Variants in SPICE1 observed in about 807,000 individuals in gnomAD.
SPICE1 encodes the protein spindle and centriole associated protein 1, also known as spindle and centriole-associated protein 1.
SPICE1 carries 75 observed loss-of-function variants against 102.7 expected under a neutral mutation model. That is an observed-to-expected ratio of 0.73 (90% CI 0.61 to 0.88). SPICE1 has a LOEUF of 0.88. Among genes scored for constraint, SPICE1 ranks in the 40% least tolerant of loss-of-function variants. The pLI, the probability that SPICE1 is intolerant of heterozygous loss-of-function variation, is 0.00. For missense variants in SPICE1, 979 were observed against 1,020.1 expected (o/e 0.96, Z 0.55); for synonymous variants, 308 against 350.3 (o/e 0.88, Z 1.35).
intron 7 of SPICE1, among the ~76,000 whole-genome samples, chr3:113,482,447 C>T (rs144491986): frequency 0.011 from 1,670 of 152,122 alleles, 26 homozygotes; most frequent in African/African-American, 0.027. Context: ...CTTTTGTTGC[C>T]GTTGCTTTTG....
chr3:113,477,875 A>G (rs931484484), intron 7 of SPICE1, among the ~76,000 whole-genome samples: 3 of 151,942 alleles, frequency 2.0e-5, no homozygotes, highest in Admixed American at 6.6e-5. Flanking sequence ...AGCATGGCAC[A>G]TGTATACATA....
chr3:113,475,168 A>G, intron 7 of SPICE1, among the ~76,000 whole-genome samples: 1 of 152,246 alleles, frequency 6.6e-6, no homozygotes, highest in East Asian at 1.9e-4. Flanking sequence ...CTACGCAAAT[A>G]AACTAGAAAA....
At chr3:113,459,566 A>G in intron 12 of SPICE1, 1 of 985,412 alleles carries the variant, frequency 1.0e-6, no homozygotes, top group Non-Finnish European at 1.2e-6. Context: ...GTAAAACACT[A>G]ACATATTCCT....
intron 7 of SPICE1, among the ~76,000 whole-genome samples, chr3:113,477,096 C>A (rs1196010162): frequency 9.9e-5 from 15 of 151,816 alleles, no homozygotes; most frequent in Non-Finnish European, 1.6e-4. Flanking sequence ...AAGAAAAAAA[C>A]AAACAACCCC....
chr3:113,450,403 C>T lies in SPICE1; in HGVS notation c.2256G>A (p.Gln752=). 6.2e-7 allele frequency: 1 copy of T among 1,614,102 alleles called. No individual in the cohort carries two copies. The change falls in exon 15 of 18, where the codon CAG becomes CAA. Residue 752 remains glutamine, a synonymous_variant. Transcript: ENST00000295872. ...RGKLLQLIEQ[Q]KLVGLNLSPP... ...GAGAAAGATTCAAACCAACAAGTTTCTGCTGCTCTATCAACTGCAGTAGTT... is the reference window on the plus strand; with the variant it reads ...GAGAAAGATTCAAACCAACAAGTTTTTGCTGCTCTATCAACTGCAGTAGTT...
At chr3:113,509,212 T>G (rs537488974) in intron 1 of SPICE1, among the ~76,000 whole-genome samples, 1 of 150,982 alleles carries the variant, frequency 6.6e-6, no homozygotes, top group African/African-American at 2.5e-5. Flanking sequence ...AACTGTATAC[T>G]TTAAAGGGTG....
chr3:113,495,013 A>C (rs1936852534), intron 4 of SPICE1, among the ~76,000 whole-genome samples: 1 of 152,256 alleles, frequency 6.6e-6, no homozygotes, highest in Admixed American at 6.5e-5. Context: ...ATAAGATATG[A>C]GTTTTAGCAT....
At chr3:113,489,099 A>C in intron 6 of SPICE1, 36 bp from the exon 7 acceptor site, 1 of 1,299,438 alleles carries the variant, frequency 7.7e-7, no homozygotes, top group Non-Finnish European at 1.1e-6. Context: ...GCACAAGTTG[A>C]TTATATATAT....
chr3:113,469,837 C>T lies in SPICE1; in HGVS notation c.612-599G>A, dbSNP rs2107465694. Reference sequence around the variant, plus strand: ...TATGGCTCCATCCTCCTCTCTCTTTCTCTAGAGTAAAGTAATTAAGCATAT... The same window carrying T: ...TATGGCTCCATCCTCCTCTCTCTTTTTCTAGAGTAAAGTAATTAAGCATAT... On this transcript the variant is annotated intron_variant, in intron 7 of 17. Transcript: ENST00000295872. 2.6e-5 allele frequency among the ~76,000 whole-genome samples: 4 copies of T among 152,238 alleles called. No homozygotes were observed. In the South Asian group the frequency reaches 8.3e-4, roughly 32 times the overall value.
At chr3:113,449,521 T>A (rs1437709570) in intron 15 of SPICE1, 2 of 151,906 alleles carry the variant, frequency 1.3e-5, no homozygotes, top group African/African-American at 4.8e-5. Flanking sequence ...TCCAAAAGAG[T>A]CTGCTTTCTG....
In SPICE1 at chr3:113,514,955, G is replaced by A. The variant is rs964086877; in HGVS notation, c.-59C>T. The A allele has an allele frequency of 1.1e-6, 1 of 921,096 alleles. No homozygotes were observed. The highest frequency in any genetic ancestry group is 1.4e-6 in the Non-Finnish European group (1 of 706,024). 57.1% of individuals were successfully genotyped at this position (921,096 alleles called of 1,614,324 possible). On this transcript the variant is annotated 5_prime_UTR_variant, in exon 1 of 18. Transcript: ENST00000295872. ...TTCCTGAAGTAAGGATTCCCCAACC[G>A]GGCGCCTGGATCCCAGGCAACAGAC...
intron 7 of SPICE1, among the ~76,000 whole-genome samples, chr3:113,471,037 G>A (rs1395710016): frequency 1.3e-5 from 2 of 152,132 alleles, no homozygotes; most frequent in African/African-American, 4.8e-5. Flanking sequence ...TGGGACTTTT[G>A]AGCTAATGAG....
rs758745189 is a variant in SPICE1, at chr3:113,468,856, C to A, written c.795G>T (p.Arg265Ser). ...TCTCAGTAGATTCTTCAGGCTGAAG[C>A]CTGGTTTGGAGTCTCTTGACAGCAT... ...ATNAVKRLQT[R>S]LQPEESTETL... The change falls in exon 9 of 18, where the codon AGG (arginine) becomes AGT (serine). Residue 265 changes from arginine (R) to serine (S), a missense_variant. By Grantham distance (110) the Arg-to-Ser change is moderately radical (BLOSUM62 -1). Transcript: ENST00000295872. The A allele has an allele frequency of 1.9e-6, 3 of 1,614,096 alleles. No homozygotes were observed. The Admixed American group carries it at 5.0e-5, about 27-fold the overall frequency.
intron 4 of SPICE1, among the ~76,000 whole-genome samples, chr3:113,496,936 T>C (rs1471805972): frequency 6.6e-6 from 1 of 152,246 alleles, no homozygotes; most frequent in Non-Finnish European, 1.5e-5. Flanking sequence ...TTATTGATAG[T>C]AGCAAGGTAG....
chr3:113,472,857 G>A (rs1368025870), intron 7 of SPICE1, among the ~76,000 whole-genome samples: 2 of 152,154 alleles, frequency 1.3e-5, no homozygotes, highest in Admixed American at 1.3e-4. Context: ...AGAAAAACTG[G>A]AAACTCTAAA....
At chr3:113,480,088 G>A (rs938179509) in intron 7 of SPICE1, among the ~76,000 whole-genome samples, 2 of 151,984 alleles carry the variant, frequency 1.3e-5, no homozygotes, top group African/African-American at 2.4e-5. Flanking sequence ...GAGATTATTG[G>A]CACATCTCTA....
intron 7 of SPICE1, among the ~76,000 whole-genome samples, chr3:113,471,029 G>C (rs1678949818): frequency 6.6e-6 from 1 of 152,064 alleles, no homozygotes; most frequent in Non-Finnish European, 1.5e-5. Context: ...ATGAGATTTG[G>C]GACTTTTGAG....
chr3:113,449,005 C>A (rs961015948), intron 15 of SPICE1: 3 of 152,126 alleles, frequency 2.0e-5, no homozygotes, highest in Admixed American at 6.5e-5. Context: ...AATCACATAA[C>A]CTCTTTGTAC....
Position 113,496,200 on chromosome 3 carries a change from C to T in SPICE1, c.292-2058G>A, listed in dbSNP as rs537212165. On this transcript the variant is annotated intron_variant, in intron 4 of 17. Coordinates refer to ENST00000295872, the MANE Select transcript of SPICE1 (RefSeq NM_144718.4). ...TGGAAACCCCTGTTTAGTCCCTGCC[C>T]TTGGGAAAAATGGTTTGAGTGATCA... Among the ~76,000 whole-genome samples the T allele has an allele frequency of 1.1e-3, 165 of 151,888 alleles. 1 individual carries two copies. The highest frequency in any genetic ancestry group is 3.8e-3 in the African/African-American group (159 of 41,402).
Sources: allele counts gnomAD v4.1 joint callset (sites outside exome capture counted in the v4.1 genomes callset), GRCh38; gene constraint gnomAD v4.1.1; transcripts MANE v1.5; gene names NCBI Gene and HGNC (gene_info 2026-07-23, HGNC 2026-07-21).